The following TMEM9 variants were observed in gnomAD, a reference collection of about 807,000 sequenced individuals.
TMEM9 encodes the protein transmembrane protein 9.
Under a neutral mutation model 22.8 loss-of-function variants are expected in TMEM9, and 13 were observed. That is an observed-to-expected ratio of 0.57 (90% confidence interval 0.37 to 0.91). The LOEUF (loss-of-function observed/expected upper bound fraction) is 0.91. Ranked by LOEUF, TMEM9 falls within the 40% of genes least tolerant of loss-of-function variation. TMEM9 has a pLI of 0.01. For missense variants in TMEM9, 182 were observed against 238.1 expected (o/e 0.76, Z 1.55); for synonymous variants, 88 against 93.0 (o/e 0.95, Z 0.31).
chr1:201,167,062 A>C (rs1572142892), intron 1 of TMEM9, among the ~76,000 whole-genome samples: 1 of 152,202 alleles, frequency 6.6e-6, no homozygotes, highest in Admixed American at 6.5e-5. Context: ...TTTATTTTTT[A>C]AACCTTCATA....
chr1:201,167,496 G>A (rs1310940492), intron 1 of TMEM9, among the ~76,000 whole-genome samples: 1 of 152,176 alleles, frequency 6.6e-6, no homozygotes, highest in Non-Finnish European at 1.5e-5. Context: ...AGCTGTTCTT[G>A]GGTTCTACAA....
upstream of TMEM9, among the ~76,000 whole-genome samples, chr1:201,157,886 G>A (rs192791512): frequency 3.3e-4 from 50 of 152,272 alleles, no homozygotes; most frequent in East Asian, 5.2e-3. Flanking sequence ...GAACAATGTC[G>A]CACCCCCAAA....
At chr1:201,144,074 A>G (rs1392977549) in intron 3 of TMEM9, 123 bp from the exon 4 acceptor site, 6 of 1,069,822 alleles carry the variant, frequency 5.6e-6, no homozygotes, top group Non-Finnish European at 8.2e-6. Flanking sequence ...CTAAGAAAGG[A>G]CTTGGAGGCA....
chr1:201,137,897 C>T (rs1664143448), intron 4 of TMEM9, among the ~76,000 whole-genome samples: 2 of 152,192 alleles, frequency 1.3e-5, no homozygotes, highest in South Asian at 2.1e-4. Flanking sequence ...AGTTCCATGC[C>T]TTCCCTGTTC....
chr1:201,152,162 GT>G (rs1665481226), intron 1 of TMEM9, among the ~76,000 whole-genome samples: 24 of 22,158 alleles, frequency 1.1e-3, no homozygotes, highest in African/African-American at 4.6e-3. Flanking sequence ...GGGGAAATGG[GT>G]GTGTGTGTGT....
chr1:201,149,131 T>G (rs532093122), intron 2 of TMEM9, among the ~76,000 whole-genome samples: 1 of 152,224 alleles, frequency 6.6e-6, no homozygotes, highest in Non-Finnish European at 1.5e-5. Flanking sequence ...ATGTGGGATC[T>G]TGCTACCCAG....
intron 2 of TMEM9, 103 bp downstream of exon 2, chr1:201,151,658 A>G: frequency 1.2e-6 from 1 of 806,298 alleles, no homozygotes; most frequent in Admixed American, 1.9e-5. Flanking sequence ...GGCTCTCCAT[A>G]GGAATGGGAG....
chr1:201,159,809 T>C (rs1433867093), intron 1 of TMEM9, among the ~76,000 whole-genome samples: 1 of 152,206 alleles, frequency 6.6e-6, no homozygotes, highest in Non-Finnish European at 1.5e-5. Flanking sequence ...TTTTTTTCTA[T>C]ATAAATGCAC....
chr1:201,138,504 C>T (rs1437881248), intron 4 of TMEM9, among the ~76,000 whole-genome samples: 1 of 152,190 alleles, frequency 6.6e-6, no homozygotes, highest in African/African-American at 2.4e-5. Flanking sequence ...AGTTCCTCCC[C>T]TCTCCCTCTG....
At chr1:201,168,766 C>T (rs1304472587) in intron 1 of TMEM9, among the ~76,000 whole-genome samples, 3 of 148,128 alleles carry the variant, frequency 2.0e-5, no homozygotes, top group African/African-American at 7.5e-5. Context: ...GGTAAACAAT[C>T]CTGGGGCAGG....
At chr1:201,167,038 T>C (rs1256469141) in intron 1 of TMEM9, among the ~76,000 whole-genome samples, 3 of 152,040 alleles carry the variant, frequency 2.0e-5, no homozygotes. Flanking sequence ...TTTATTTTGA[T>C]AGAGATGTAT....
Position 201,164,864 on chromosome 1 carries a change from ACT to A in TMEM9, c.-37+6624_-37+6625del, listed in dbSNP as rs1666034133. ...GTCCATGTGGCCAGTCTCAGGGAAG[ACT>A]CTAATTGTCTTTGCTTGCGTCACAA... On this transcript the variant is annotated intron_variant, in intron 1 of 5. Transcript: ENST00000367333. Among the ~76,000 whole-genome samples, 3 of 151,274 alleles carry A rather than the reference ACT, an allele frequency of 2.0e-5. No homozygotes were observed. The South Asian group carries it at 6.3e-4, about 32-fold the overall frequency.
intron 2 of TMEM9, among the ~76,000 whole-genome samples, chr1:201,148,424 A>G (rs1393643956): frequency 3.9e-5 from 6 of 152,202 alleles, no homozygotes; most frequent in African/African-American, 1.4e-4. Context: ...CTTCATTACT[A>G]CCAATGGAAA....
chr1:201,154,808 C>G (rs971134542), upstream of TMEM9, among the ~76,000 whole-genome samples: 11 of 152,272 alleles, frequency 7.2e-5, no homozygotes, highest in African/African-American at 2.6e-4. Flanking sequence ...AAAAACGATA[C>G]GAGATTGAAG....
At chr1:201,165,443 C>CT (rs757893021) in intron 1 of TMEM9, among the ~76,000 whole-genome samples, 6,994 of 144,030 alleles carry the variant, frequency 0.049, 427 homozygotes, top group African/African-American at 0.14. Flanking sequence ...CTTTTTCTTT[C>CT]TTTTTTTTTT....
chr1:201,170,975 C>T (rs1666197914), intron 1 of TMEM9, among the ~76,000 whole-genome samples: 1 of 152,270 alleles, frequency 6.6e-6, no homozygotes, highest in African/African-American at 2.4e-5. Flanking sequence ...GCCGGGCCAG[C>T]AGGTGTTACC....
At chr1:201,157,386 C>T (rs370666136), upstream of TMEM9, among the ~76,000 whole-genome samples, 1 of 152,172 alleles carries the variant, frequency 6.6e-6, no homozygotes, top group Non-Finnish European at 1.5e-5. Flanking sequence ...CCTGGCCCCC[C>T]GGTAGCCCTT....
intron 3 of TMEM9, chr1:201,145,429 A>T: frequency 6.6e-6 from 1 of 152,310 alleles, no homozygotes; most frequent in East Asian, 1.9e-4. Context: ...ACTGGCTGGG[A>T]GTGAAGGACA....
upstream of TMEM9, among the ~76,000 whole-genome samples, chr1:201,158,676 C>T (rs1163702520): frequency 2.0e-5 from 3 of 152,128 alleles, no homozygotes; most frequent in Non-Finnish European, 4.4e-5. Context: ...ATCAGCAGTG[C>T]ACTCTCCCCA....
Sources: allele counts gnomAD v4.1 joint callset (sites outside exome capture counted in the v4.1 genomes callset), GRCh38; gene constraint gnomAD v4.1.1; transcripts MANE v1.5; gene names NCBI Gene and HGNC (gene_info 2026-07-23, HGNC 2026-07-21).